Variants in ZNF624 observed in about 807,000 individuals in gnomAD.
ZNF624 encodes zinc finger protein 624.
In ZNF624, 43 loss-of-function variants were observed where a neutral mutation model predicts 74.7. The observed-to-expected ratio is 0.58, with a 90% CI of 0.45 to 0.74. The LOEUF (loss-of-function observed/expected upper bound fraction) is 0.74, where lower values mean the gene tolerates loss of function less well. Among genes scored for constraint, ZNF624 ranks in the 30% least tolerant of loss-of-function variants. The probability of loss-of-function intolerance (pLI) is 0.00; values close to 1 mark genes in which losing one functional copy is unlikely to be tolerated. For synonymous variants in ZNF624, 331 were observed against 341.3 expected (o/e 0.97, Z 0.33); for missense variants, 820 against 1,030.0 (o/e 0.80, Z 2.79).
downstream of ZNF624, among the ~76,000 whole-genome samples, chr17:16,618,863 CTA>C (rs1908844093): frequency 6.6e-6 from 1 of 152,122 alleles, no homozygotes; most frequent in South Asian, 2.1e-4. Flanking sequence ...TGTTAATTGA[CTA>C]TATTATTGGT....
intron 3 of ZNF624, among the ~76,000 whole-genome samples, chr17:16,635,089 T>A (rs1451626353): frequency 2.0e-5 from 3 of 152,206 alleles, no homozygotes; most frequent in Admixed American, 2.0e-4. Context: ...GTATTTAAAA[T>A]ACTTGATAAC....
intron 3 of ZNF624, among the ~76,000 whole-genome samples, chr17:16,638,747 C>T (rs199687659): frequency 1.8e-5 from 2 of 108,608 alleles, no homozygotes; most frequent in South Asian, 5.1e-4. Flanking sequence ...AGGAGATATG[C>T]CTAATGCTAA....
At chr17:16,636,243 A>T (rs1909327236) in intron 3 of ZNF624, among the ~76,000 whole-genome samples, 1 of 152,262 alleles carries the variant, frequency 6.6e-6, no homozygotes, top group African/African-American at 2.4e-5. Flanking sequence ...GGAAACTGGT[A>T]AGTAAAGAGA....
At position 16,623,232 on chromosome 17, in the gene ZNF624, C is replaced by T; in HGVS notation, c.1654G>A (p.Gly552Arg). Reference protein sequence around the residue: ...CLTVHHRMHTGEKPYKCTECG... With the variant: ...CLTVHHRMHTREKPYKCTECG... ...TCAGTACATTTATAAGGTTTCTCTC[C>T]TGTATGCATTCTGTGGTGTACAGTA... Residue 552 changes from glycine (G) to arginine (R), a missense_variant, in exon 6 of 6, where the codon GGA becomes AGA. Coordinates refer to ENST00000311331, the MANE Select transcript of ZNF624 (RefSeq NM_020787.4). The surrounding 1 kb of genome is among the most constrained non-coding windows in gnomAD (Gnocchi z 5.3). 1 of 1,613,992 alleles carries T rather than the reference C, an allele frequency of 6.2e-7. No homozygotes were observed. Among genetic ancestry groups the T allele is most frequent in the Non-Finnish European group, 8.5e-7 (1 of 1,179,938 alleles).
rs1909242292 is a variant in ZNF624, at chr17:16,633,038, GGC to G, written c.376+822_376+823del. Among the ~76,000 whole-genome samples, 12 of 152,176 alleles carry G rather than the reference GGC, an allele frequency of 7.9e-5. No homozygotes were observed. In the South Asian group the frequency reaches 2.5e-3, roughly 32 times the overall value. On this transcript the variant is annotated intron_variant, in intron 5 of 5. Coordinates refer to ENST00000311331, the MANE Select transcript of ZNF624 (RefSeq NM_020787.4). ...TTCTTCTTCTGACCCTTCAGGTCTC[GGC>G]TTAAATGTCACCTCTTCAGAAGCTC...
intron 5 of ZNF624, among the ~76,000 whole-genome samples, chr17:16,630,158 G>A (rs1426017417): frequency 1.3e-5 from 2 of 151,866 alleles, no homozygotes; most frequent in African/African-American, 4.8e-5. Context: ...AACAATAAAT[G>A]ATACCTTTGA....
chr17:16,649,998 T>C (rs1909683349), intron 1 of ZNF624, among the ~76,000 whole-genome samples: 1 of 152,118 alleles, frequency 6.6e-6, no homozygotes, highest in Non-Finnish European at 1.5e-5. Flanking sequence ...TATTTTCACA[T>C]CAACCTAGTA....
chr17:16,624,489 T>C lies in ZNF624; in HGVS notation c.397A>G (p.Thr133Ala). The change falls in exon 6 of 6, where the codon ACC becomes GCC. Residue 133 changes from threonine to alanine, a missense_variant. By Grantham distance (58) the Thr-to-Ala change is moderately conservative. Coordinates refer to ENST00000311331, the MANE Select transcript of ZNF624 (RefSeq NM_020787.4). ...PYPDMEPKPA[T>A]KKATRTKAIS... ...GCCTTTGTTCGTGTAGCCTTCTTGG[T>C]TGCAGGTTTGGGCTCCATGTCTGGG... The C allele has an allele frequency of 5.1e-6, 8 of 1,572,192 alleles. No individual in the cohort carries two copies. Among genetic ancestry groups the C allele is most frequent in the Non-Finnish European group, 6.0e-6 (7 of 1,165,440 alleles).
intron 5 of ZNF624, among the ~76,000 whole-genome samples, chr17:16,625,432 T>C (rs969963700): frequency 2.0e-5 from 3 of 152,230 alleles, no homozygotes; most frequent in Admixed American, 6.5e-5. Context: ...TCCACCCACC[T>C]CAGCCTCCCA....
At chr17:16,635,711 G>A (rs1041827023) in intron 3 of ZNF624, among the ~76,000 whole-genome samples, 2 of 151,994 alleles carry the variant, frequency 1.3e-5, no homozygotes, top group Admixed American at 6.6e-5. Context: ...ACTGCTGTGC[G>A]TGTAGTGCTT....
chr17:16,644,699 C>T (rs1290207681), intron 3 of ZNF624, among the ~76,000 whole-genome samples: 2 of 152,166 alleles, frequency 1.3e-5, no homozygotes, highest in African/African-American at 4.8e-5. Context: ...TCTGCCCTTC[C>T]ACACCTCAAG....
rs1597489668 is a variant in ZNF624 at position 16,622,633 on chromosome 17, G to T, written c.2253C>A (p.Pro751=). The change falls in exon 6 of 6, where the codon CCC becomes CCA. Residue 751 remains proline, a synonymous_variant. Transcript: ENST00000311331. ...EHQKIHSGEK[P]YKCDVCGKAF... is the part of the protein sequence containing the mutation. ...CTTTTCCACAGACATCACACTTATA[G>T]GGCTTCTCTCCACTATGGATTTTCT... 1 of 1,614,006 alleles carries T rather than the reference G, an allele frequency of 6.2e-7. No individual in the cohort carries two copies. Among genetic ancestry groups the T allele is most frequent in the East Asian group, 2.2e-5 (1 of 44,874 alleles).
intron 5 of ZNF624, 94 bp downstream of exon 5, chr17:16,633,768 A>G (rs17791901): frequency 0.028 from 27,757 of 1,002,774 alleles, 463 homozygotes; most frequent in Non-Finnish European, 0.034. Flanking sequence ...TTGAACAAAT[A>G]TATCTTCAAA....
At chr17:16,652,138 T>C (rs1230785453) in intron 1 of ZNF624, among the ~76,000 whole-genome samples, 3 of 152,096 alleles carry the variant, frequency 2.0e-5, no homozygotes, top group Non-Finnish European at 4.4e-5. Flanking sequence ...TGCATACCAG[T>C]AAATCTTAAT....
the ZNF624 span, among the ~76,000 whole-genome samples, chr17:16,615,118 G>C: frequency 1.3e-5 from 2 of 152,272 alleles, no homozygotes; most frequent in South Asian, 4.1e-4. Context: ...TTATTTTGGA[G>C]ATGGAGTTTC....
chr17:16,645,633 C>G (rs868315936), intron 3 of ZNF624, among the ~76,000 whole-genome samples: 1 of 108,302 alleles, frequency 9.2e-6, no homozygotes, highest in Non-Finnish European at 2.0e-5. Flanking sequence ...GACTACGCTA[C>G]AAAAAAAAAA....
In ZNF624 at chr17:16,623,470, A is replaced by G. The variant is rs1908980754; in HGVS notation, c.1416T>C (p.Phe472=). The stretch of plus-strand genomic sequence containing the variant: ...AGGCTTTTCCACATTCGTTACATCT[A>G]AAAGGTTTCTCTCCAGTATGAATCC... ...HQRIHTGEKP[F]RCNECGKAYR... Residue 472 remains phenylalanine, a synonymous_variant, in exon 6 of 6, where the codon TTT becomes TTC. Coordinates refer to ENST00000311331, the MANE Select transcript of ZNF624 (RefSeq NM_020787.4). The surrounding 1 kb of genome is among the most constrained non-coding windows in gnomAD (Gnocchi z 5.3). The G allele has an allele frequency of 4.3e-6, 7 of 1,613,888 alleles. No individual in the cohort carries two copies. The East Asian group carries it at 6.7e-5, about 15-fold the overall frequency.
intron 5 of ZNF624, among the ~76,000 whole-genome samples, chr17:16,625,224 C>T (rs1909041906): frequency 1.3e-5 from 2 of 152,042 alleles, no homozygotes; most frequent in South Asian, 4.2e-4. Flanking sequence ...CTGTGCCACC[C>T]AGGCTAGAGT....
At chr17:16,629,235 TC>T (rs1364498919) in intron 5 of ZNF624, among the ~76,000 whole-genome samples, 1 of 143,236 alleles carries the variant, frequency 7.0e-6, no homozygotes, top group East Asian at 2.0e-4. Context: ...TGTCTCTCTC[TC>T]TTTTTTTTTT....
Sources: gnomAD v4.1 joint callset for allele counts (sites outside exome capture counted in the v4.1 genomes callset) on GRCh38, gnomAD v4.1.1 for gene constraint, Gnocchi (gnomAD v3.1) non-coding constraint, MANE v1.5 for transcripts, NCBI Gene and HGNC (gene_info 2026-07-23, HGNC 2026-07-21) for gene names.